Variants in CCDC171 observed in about 807,000 individuals in gnomAD.
CCDC171 encodes coiled-coil domain-containing protein 171.
CCDC171 carries 177 observed loss-of-function variants against 168.2 expected under a neutral mutation model. That is an observed-to-expected ratio of 1.05 (90% CI 0.93 to 1.19). CCDC171 has a LOEUF of 1.19. Ranked by LOEUF, CCDC171 falls within the 50% of genes most tolerant of loss-of-function variation. The pLI is 0.00. For synonymous variants in CCDC171, 687 were observed against 540.8 expected (o/e 1.27, Z -3.75); for missense variants, 1,991 against 1,539.0 (o/e 1.29, Z -4.91).
At chr9:16,001,868 C>T (rs1465128252) in intron 3 of CCDC171, among the ~76,000 whole-genome samples, 1 of 143,916 alleles carries the variant, frequency 6.9e-6, no homozygotes, top group Non-Finnish European at 1.5e-5. Context: ...GACAGTGTCT[C>T]GCTCTGTCAC....
intron 25 of CCDC171, among the ~76,000 whole-genome samples, chr9:15,924,188 A>T (rs1057322795): frequency 1.2e-4 from 18 of 151,538 alleles, no homozygotes; most frequent in East Asian, 5.8e-4. Flanking sequence ...ATGTGGCCAC[A>T]CATAGCTGAA....
chr9:15,965,790 G>C (rs1830733665), intron 25 of CCDC171, among the ~76,000 whole-genome samples: 1 of 152,172 alleles, frequency 6.6e-6, no homozygotes, highest in Non-Finnish European at 1.5e-5. Context: ...AAGGATAAAA[G>C]CTCACACAGG....
In CCDC171 at chr9:15,940,481, G is replaced by A. The variant is rs187079032; in HGVS notation, c.3753+20059G>A. 1.5e-4 allele frequency among the ~76,000 whole-genome samples: 23 copies of A among 151,928 alleles called. No individual in the cohort carries two copies. The East Asian group carries it at 2.9e-3, about 19-fold the overall frequency. ...AATTTCTTAATGGAAATAAGGGTTC[G>A]GTCCCTTTGCACAAAGTCAAACTTG... On this transcript the variant is annotated intron_variant, in intron 25 of 25. Transcript: ENST00000380701.
At chr9:16,090,989 A>C in the CCDC171 span, among the ~76,000 whole-genome samples, 1 of 152,236 alleles carries the variant, frequency 6.6e-6, no homozygotes, top group Non-Finnish European at 1.5e-5. Context: ...CTTGTTCTGC[A>C]GTTCTCTTTT....
intron 3 of CCDC171, among the ~76,000 whole-genome samples, chr9:16,004,243 C>A (rs1239799047): frequency 6.6e-6 from 1 of 152,142 alleles, no homozygotes; most frequent in African/African-American, 2.4e-5. Context: ...AAAGCAGAGG[C>A]TTAGACATAG....
At chr9:15,709,360 G>C (rs916769462) in intron 11 of CCDC171, among the ~76,000 whole-genome samples, 2 of 152,120 alleles carry the variant, frequency 1.3e-5, no homozygotes, top group African/African-American at 4.8e-5. Context: ...TAACATTTTA[G>C]ATTGGTGATT....
chr9:15,873,323 T>C (rs1243691852), intron 23 of CCDC171, among the ~76,000 whole-genome samples: 1 of 151,918 alleles, frequency 6.6e-6, no homozygotes, highest in Non-Finnish European at 1.5e-5. Context: ...GCTAGAAAAA[T>C]GGAGGAGAAA....
chr9:15,602,212 G>T (rs1270284882), intron 6 of CCDC171, among the ~76,000 whole-genome samples: 3 of 152,026 alleles, frequency 2.0e-5, no homozygotes, highest in Non-Finnish European at 4.4e-5. Flanking sequence ...TTAAGAAACT[G>T]TTGTGACTTT....
chr9:15,683,298 A>G (rs917818710), intron 10 of CCDC171, among the ~76,000 whole-genome samples: 1 of 152,022 alleles, frequency 6.6e-6, no homozygotes, highest in Non-Finnish European at 1.5e-5. Flanking sequence ...AGCATTAAAT[A>G]TGATTTTGGA....
intron 12 of CCDC171, among the ~76,000 whole-genome samples, chr9:15,722,815 A>G (rs1033411839): frequency 2.6e-5 from 4 of 152,246 alleles, no homozygotes; most frequent in Admixed American, 2.0e-4. Flanking sequence ...GAAAATGACC[A>G]TCGAAATAAT....
intron 20 of CCDC171, among the ~76,000 whole-genome samples, chr9:15,782,549 A>G (rs776359879): frequency 6.6e-6 from 1 of 152,200 alleles, no homozygotes; most frequent in Non-Finnish European, 1.5e-5. Flanking sequence ...GAAGTCCTGC[A>G]AAATGGTGGG....
chr9:15,969,698 G>C (rs1831155600), intron 25 of CCDC171, among the ~76,000 whole-genome samples: 1 of 152,080 alleles, frequency 6.6e-6, no homozygotes, highest in Non-Finnish European at 1.5e-5. Context: ...TGTTTATTAA[G>C]AAGAAAATCA....
exon 7 of CCDC171, chr9:16,035,487 G>A (rs1833448720): frequency 6.6e-6 from 1 of 152,140 alleles, no homozygotes; most frequent in Non-Finnish European, 1.5e-5. Flanking sequence ...ACCTGTGACA[G>A]CGCTCTTATT....
At chr9:15,563,440 A>G (rs1419936887) in intron 1 of CCDC171, among the ~76,000 whole-genome samples, 9 of 152,114 alleles carry the variant, frequency 5.9e-5, no homozygotes, top group African/African-American at 2.2e-4. Context: ...ACCCGGCTCA[A>G]GTTACTTTTA....
At chr9:15,557,037 G>GATC (rs1216883691) in intron 1 of CCDC171, among the ~76,000 whole-genome samples, 3 of 152,246 alleles carry the variant, frequency 2.0e-5, no homozygotes, top group Admixed American at 1.3e-4. Context: ...GTTTGTCAAA[G>GATC]ATCAGATGGT....
At chr9:15,892,194 T>C (rs748619573) in intron 24 of CCDC171, among the ~76,000 whole-genome samples, 14 of 152,182 alleles carry the variant, frequency 9.2e-5, no homozygotes, top group Non-Finnish European at 1.9e-4. Context: ...AGCCTTTATT[T>C]CTTTCTCTTG....
At chr9:15,623,462 T>TACGCGCGCGCGCGC (rs1554714712) in intron 7 of CCDC171, 49 bp downstream of exon 7, 3 of 483,178 alleles carry the variant, frequency 6.2e-6, no homozygotes, top group East Asian at 8.1e-5. Flanking sequence ...AACTTTCACA[T>TACGCGCGCGCGCGC]ATGCGCGCGC....
intron 25 of CCDC171, among the ~76,000 whole-genome samples, chr9:15,946,231 T>C (rs1828362096): frequency 6.6e-6 from 1 of 152,018 alleles, no homozygotes; most frequent in Non-Finnish European, 1.5e-5. Flanking sequence ...TTCTGTTCCA[T>C]TGATCTATAT....
intron 1 of CCDC171, among the ~76,000 whole-genome samples, chr9:15,558,938 G>C (rs1210372185): frequency 1.3e-5 from 2 of 152,070 alleles, no homozygotes; most frequent in African/African-American, 4.8e-5. Flanking sequence ...TTGTGTCTTT[G>C]TTCTCATTGG....
Sources: gnomAD v4.1 joint callset for allele counts (sites outside exome capture counted in the v4.1 genomes callset) on GRCh38, gnomAD v4.1.1 for gene constraint, MANE v1.5 for transcripts, NCBI Gene and HGNC (gene_info 2026-07-23, HGNC 2026-07-21) for gene names.